GPSM3: variants seen among roughly 807,000 people sequenced by gnomAD.
The protein encoded by GPSM3 is G protein signaling modulator 3, also known as G protein-signaling modulator 3.
In GPSM3, 16 loss-of-function variants were observed where a neutral mutation model predicts 20.4. The ratio of observed to expected loss-of-function variants is 0.78; its 90% confidence interval spans 0.53 to 1.19. The LOEUF is 1.19. Ranked by LOEUF, GPSM3 falls within the 50% of genes most tolerant of loss-of-function variation. The pLI, the probability that GPSM3 is intolerant of heterozygous loss-of-function variation, is 0.00. For synonymous variants in GPSM3, 70 were observed against 79.6 expected (o/e 0.88, Z 0.64); for missense variants, 177 against 204.6 (o/e 0.86, Z 0.82).
rs1787570147 is a variant in GPSM3, at chr6:32,192,121, G to C, written c.145+27C>G. On this transcript the variant is annotated intron_variant, in intron 2 of 3. Transcript: ENST00000375040. The surrounding 1 kb of genome is among the most constrained non-coding windows in gnomAD (Gnocchi z 5.1). ...GGTCAGGATGTGGGCACTAGGGTCG[G>C]GGCTCTCCCTGGGTGGGTAGGGGTA... 6.7e-7 allele frequency: 1 copy of C among 1,490,486 alleles called. No homozygotes were observed. Among genetic ancestry groups the C allele is most frequent in the Non-Finnish European group, 9.0e-7 (1 of 1,110,950 alleles). 92.3% of individuals were successfully genotyped at this position (1,490,486 alleles called of 1,614,324 possible).
Position 32,191,071 on chromosome 6 carries a change from G to T in GPSM3, c.*295C>A. ...CAACTGGTGGTGTCCCCACAAGTTA[G>T]GGAAAAGACTCCCAGCCACTCCTTG... On this transcript the variant is annotated 3_prime_UTR_variant, in exon 4 of 4. Transcript: ENST00000375040. The surrounding 1 kb of genome is among the most constrained non-coding windows in gnomAD (Gnocchi z 5.9). 1 of 372,592 alleles carries T rather than the reference G, an allele frequency of 2.7e-6. No individual in the cohort carries two copies. The highest frequency in any genetic ancestry group is 4.8e-6 in the Non-Finnish European group (1 of 208,578). The allele number at this position is 372,592 out of a possible 1,614,324, so 23.1% of individuals were successfully genotyped here. A position where few individuals can be genotyped will look rare whatever the true frequency, so the allele number is the denominator to read the frequency against.
In GPSM3 at chr6:32,191,998, G is replaced by T; in HGVS notation, c.146-90C>A. 7.3e-7 allele frequency: 1 copy of T among 1,365,306 alleles called. No individual in the cohort carries two copies. The highest frequency in any genetic ancestry group is 1.0e-6 in the Non-Finnish European group (1 of 968,982). The allele number at this position is 1,365,306 out of a possible 1,614,324, so 84.6% of individuals were successfully genotyped here. A position where few individuals can be genotyped will look rare whatever the true frequency, so the allele number is the denominator to read the frequency against. Reference sequence around the variant, plus strand: ...GTGTGGACAGGGTGACGTGATTAGGGACTTTGGATCAGAGGAGAGGGGGTG... The same window carrying T: ...GTGTGGACAGGGTGACGTGATTAGGTACTTTGGATCAGAGGAGAGGGGGTG... On this transcript the variant is annotated intron_variant, in intron 2 of 3. Transcript: ENST00000375040. The surrounding 1 kb of genome is among the most constrained non-coding windows in gnomAD (Gnocchi z 5.9).
At position 32,191,991 on chromosome 6, in the gene GPSM3, G is replaced by A; in HGVS notation, c.146-83C>T. ...TGGGGGAGTGTGGACAGGGTGACGT[G>A]ATTAGGGACTTTGGATCAGAGGAGA... On this transcript the variant is annotated intron_variant, in intron 2 of 3. Coordinates refer to ENST00000375040, the MANE Select transcript of GPSM3 (RefSeq NM_001276501.2). This position sits in a 1 kb window ranked among gnomAD's most constrained non-coding sequence, Gnocchi z 5.9. The A allele has an allele frequency of 1.4e-6, 2 of 1,389,102 alleles. No individual in the cohort carries two copies. The highest frequency in any genetic ancestry group is 2.0e-6 in the Non-Finnish European group (2 of 988,642). The allele number at this position is 1,389,102 out of a possible 1,614,324, so 86.0% of individuals were successfully genotyped here.
chr6:32,194,832 C>T (rs768007276), upstream of GPSM3: 4 of 232,794 alleles, frequency 1.7e-5, no homozygotes, highest in Non-Finnish European at 3.4e-5. The surrounding 1 kb of genome is among the most constrained non-coding windows in gnomAD (Gnocchi z 4.5). Context: ...CCCAATTCCT[C>T]CAAAAAAAGG....
rs1471876396 is a variant in GPSM3 at position 32,190,844 on chromosome 6, G to A, written c.*522C>T. On this transcript the variant is annotated 3_prime_UTR_variant, in exon 4 of 4. Coordinates refer to ENST00000375040, the MANE Select transcript of GPSM3 (RefSeq NM_001276501.2). ...AGCAGTGGGGAGGGAGGGTGGGCAGGGCTGAAGGTCCATTCACAGCCCGTA... is the reference window on the plus strand; with the variant it reads ...AGCAGTGGGGAGGGAGGGTGGGCAGAGCTGAAGGTCCATTCACAGCCCGTA... The A allele has an allele frequency of 6.5e-6, 1 of 153,494 alleles. No homozygotes were observed. The highest frequency in any genetic ancestry group is 1.9e-4 in the East Asian group (1 of 5,214). 9.5% of individuals were successfully genotyped at this position (153,494 alleles called of 1,614,324 possible).
chr6:32,191,321 A>T lies in GPSM3; in HGVS notation c.*45T>A. The stretch of plus-strand genomic sequence containing the variant: ...GTTGAGGGCATGCAATGGGCTGCCC[A>T]GCTTTGAGACCAGTGGCAAGGAAGG... On this transcript the variant is annotated 3_prime_UTR_variant, in exon 4 of 4. Transcript: ENST00000375040. The surrounding 1 kb of genome is among the most constrained non-coding windows in gnomAD (Gnocchi z 5.9). 2 of 1,559,974 alleles carry T rather than the reference A, an allele frequency of 1.3e-6. No individual in the cohort carries two copies. Among genetic ancestry groups the T allele is most frequent in the Non-Finnish European group, 1.7e-6 (2 of 1,160,688 alleles).
In GPSM3 at chr6:32,191,670, C is replaced by A; in HGVS notation, c.345+39G>T. 1 of 1,542,456 alleles carries A rather than the reference C, an allele frequency of 6.5e-7. No homozygotes were observed. The highest frequency in any genetic ancestry group is 8.8e-7 in the Non-Finnish European group (1 of 1,133,900). ...CCCAAAGAGAACAGGGGCCAAGAGA[C>A]CAGGAGGCCTGGGTTTGCCTCCTGG... On this transcript the variant is annotated intron_variant, in intron 3 of 3. Coordinates refer to ENST00000375040, the MANE Select transcript of GPSM3 (RefSeq NM_001276501.2). This position sits in a 1 kb window ranked among gnomAD's most constrained non-coding sequence, Gnocchi z 5.9.
rs775527379 is a variant in GPSM3, at chr6:32,191,880, G to A, written c.174C>T (p.Leu58=). The A allele has an allele frequency of 4.2e-5, 68 of 1,611,406 alleles. No homozygotes were observed. Among genetic ancestry groups the A allele is most frequent in the Non-Finnish European group, 5.4e-5 (64 of 1,179,724 alleles). ...CCAGAAGGAGTTCAGTCTGCAGGGA[G>A]AGCAGGGAGGCCGAGCGGGGTCCCA... ...TALGPRSASL[L]SLQTELLLDL... The change falls in exon 3 of 4, where the codon CTC becomes CTT. Residue 58 remains leucine (L), a synonymous_variant. Coordinates refer to ENST00000375040, the MANE Select transcript of GPSM3 (RefSeq NM_001276501.2). The surrounding 1 kb of genome is among the most constrained non-coding windows in gnomAD (Gnocchi z 5.9).
chr6:32,191,373 G>GT lies in GPSM3; in HGVS notation c.475dup (p.Thr159AsnfsTer58). 1 of 1,583,946 alleles carries GT rather than the reference G, an allele frequency of 6.3e-7. No homozygotes were observed. Among genetic ancestry groups the GT allele is most frequent in the Non-Finnish European group, 8.5e-7 (1 of 1,170,004 alleles). ...CTGGTTGGGGCTCAAGTCTCAGCAG[G>GT]TGTGTGTGGGGGGCCGGGACCTTTG... On this transcript the variant is annotated frameshift_variant, in exon 4 of 4. Transcript: ENST00000375040. LOFTEE classifies it high-confidence loss of function. This position sits in a 1 kb window ranked among gnomAD's most constrained non-coding sequence, Gnocchi z 5.9.
chr6:32,194,283 G>A (rs1787716488), upstream of GPSM3: 1 of 152,190 alleles, frequency 6.6e-6, no homozygotes, highest in Non-Finnish European at 1.5e-5. This position sits in a 1 kb window ranked among gnomAD's most constrained non-coding sequence, Gnocchi z 4.5. Flanking sequence ...CAAAGTGTGT[G>A]CATCATCTAG....
chr6:32,194,332 T>C (rs1787717959), upstream of GPSM3: 1 of 152,134 alleles, frequency 6.6e-6, no homozygotes, highest in Admixed American at 6.5e-5. This position sits in a 1 kb window ranked among gnomAD's most constrained non-coding sequence, Gnocchi z 4.5. Flanking sequence ...AGGGAAGAGT[T>C]TCGTGGAAGA....
At chr6:32,195,191 T>G (rs1266141466), upstream of GPSM3, 2 of 533,140 alleles carry the variant, frequency 3.8e-6, no homozygotes, top group Non-Finnish European at 6.6e-6. This position sits in a 1 kb window ranked among gnomAD's most constrained non-coding sequence, Gnocchi z 5.4. Context: ...TCTGCCCTCC[T>G]GTGGCCTGTC....
upstream of GPSM3, chr6:32,195,306 C>T: frequency 1.2e-6 from 1 of 831,222 alleles, no homozygotes; most frequent in South Asian, 1.8e-5. This position sits in a 1 kb window ranked among gnomAD's most constrained non-coding sequence, Gnocchi z 5.4. Context: ...GGTGGGCATA[C>T]ATTCATTTTA....
chr6:32,193,085 G>C (rs1040119152), upstream of GPSM3: 1 of 153,132 alleles, frequency 6.5e-6, no homozygotes, highest in Non-Finnish European at 1.5e-5. This position sits in a 1 kb window ranked among gnomAD's most constrained non-coding sequence, Gnocchi z 4.7. Flanking sequence ...GGAGGATTCA[G>C]ATCCAGGGAT....
In GPSM3 at chr6:32,192,248, G is replaced by A. The variant is rs371951624; in HGVS notation, c.45C>T (p.Gly15=). The part of the protein sequence containing the change: ...RPQEEEDGEQ[G]PPQDEEGWPP... ...GCCAGCCTTCCTCATCCTGAGGGGGGCCCTGATGCCAAAATATGTCCATTC... is the reference window on the plus strand; with the variant it reads ...GCCAGCCTTCCTCATCCTGAGGGGGACCCTGATGCCAAAATATGTCCATTC... The change falls in exon 2 of 4, where the codon GGC becomes GGT. Residue 15 remains glycine, a splice_region_variant and synonymous_variant. Coordinates refer to ENST00000375040, the MANE Select transcript of GPSM3 (RefSeq NM_001276501.2). This position sits in a 1 kb window ranked among gnomAD's most constrained non-coding sequence, Gnocchi z 5.1. 2.9e-5 allele frequency: 44 copies of A among 1,521,686 alleles called. No homozygotes were observed. The highest frequency in any genetic ancestry group is 3.9e-5 in the Non-Finnish European group (44 of 1,134,182). The allele number at this position is 1,521,686 out of a possible 1,614,324, so 94.3% of individuals were successfully genotyped here.
Position 32,191,318 on chromosome 6 carries a change from C to A in GPSM3, c.*48G>T. On this transcript the variant is annotated 3_prime_UTR_variant, in exon 4 of 4. Transcript: ENST00000375040. The surrounding 1 kb of genome is among the most constrained non-coding windows in gnomAD (Gnocchi z 5.9). ...AGAGTTGAGGGCATGCAATGGGCTGCCCAGCTTTGAGACCAGTGGCAAGGA... is the reference window on the plus strand; with the variant it reads ...AGAGTTGAGGGCATGCAATGGGCTGACCAGCTTTGAGACCAGTGGCAAGGA... The A allele has an allele frequency of 6.4e-7, 1 of 1,558,598 alleles. No homozygotes were observed. Among genetic ancestry groups the A allele is most frequent in the Non-Finnish European group, 8.6e-7 (1 of 1,159,932 alleles).
In GPSM3 at chr6:32,191,899, G is replaced by A; in HGVS notation, c.155C>T (p.Pro52Leu). Residue 52 changes from proline (P) to leucine (L), a missense_variant, in exon 3 of 4, where the codon CCC becomes CTC. Pro to Leu is a moderately conservative substitution (Grantham distance 98). Transcript: ENST00000375040. The surrounding 1 kb of genome is among the most constrained non-coding windows in gnomAD (Gnocchi z 5.9). ...PPGTRHTALG[P>L]RSASLLSLQT... ...CAGGGAGAGCAGGGAGGCCGAGCGG[G>A]GTCCCAGGGCTGGGGAGAGGGGTGT... The A allele has an allele frequency of 1.9e-6, 3 of 1,611,200 alleles. No individual in the cohort carries two copies. Among genetic ancestry groups the A allele is most frequent in the Admixed American group, 3.3e-5 (2 of 60,008 alleles).
rs749245400 is a variant in GPSM3, at chr6:32,192,156, C to T, written c.137G>A (p.Arg46His). Reference sequence around the variant, plus strand: ...TGGGTGGGTAGGGGTACCTGTGTGGCGGGTCCCTGGAGGAGGAGGGGATGG... The same window carrying T: ...TGGGTGGGTAGGGGTACCTGTGTGGTGGGTCCCTGGAGGAGGAGGGGATGG... ...APPSPPPPGT[R>H]HTALGPRSAS... Residue 46 changes from arginine to histidine, a missense_variant, in exon 2 of 4, where the codon CGC becomes CAC. By Grantham distance (29) the Arg-to-His change is conservative. Coordinates refer to ENST00000375040, the MANE Select transcript of GPSM3 (RefSeq NM_001276501.2). This position sits in a 1 kb window ranked among gnomAD's most constrained non-coding sequence, Gnocchi z 5.1. 1.6e-5 allele frequency: 24 copies of T among 1,504,452 alleles called. No individual in the cohort carries two copies. Among genetic ancestry groups the T allele is most frequent in the East Asian group, 6.9e-5 (3 of 43,230 alleles). The allele number at this position is 1,504,452 out of a possible 1,614,324, so 93.2% of individuals were successfully genotyped here. A position where few individuals can be genotyped will look rare whatever the true frequency, so the allele number is the denominator to read the frequency against.
At position 32,192,311 on chromosome 6, in the gene GPSM3, AG is replaced by A. The variant is rs1351762463; in HGVS notation, c.43-62del. On this transcript the variant is annotated intron_variant, in intron 1 of 3. Coordinates refer to ENST00000375040, the MANE Select transcript of GPSM3 (RefSeq NM_001276501.2). This position sits in a 1 kb window ranked among gnomAD's most constrained non-coding sequence, Gnocchi z 5.1. Reference sequence around the variant, plus strand: ...GGTGGTTGAAGCGGGAGGAGTGGACAGGGGGCTAGGCCAGTGGCCCGTTTCC... The same window carrying A: ...GGTGGTTGAAGCGGGAGGAGTGGACAGGGGCTAGGCCAGTGGCCCGTTTCC... 6 of 1,408,614 alleles carry A rather than the reference AG, an allele frequency of 4.3e-6. No individual in the cohort carries two copies. In the Admixed American group the frequency reaches 6.4e-5, roughly 15 times the overall value. The allele number at this position is 1,408,614 out of a possible 1,614,324, so 87.3% of individuals were successfully genotyped here. A position where few individuals can be genotyped will look rare whatever the true frequency, so the allele number is the denominator to read the frequency against.
Sources: gnomAD v4.1 joint callset for allele counts on GRCh38, gnomAD v4.1.1 for gene constraint, Gnocchi (gnomAD v3.1) non-coding constraint, MANE v1.5 for transcripts, NCBI Gene and HGNC (gene_info 2026-07-23, HGNC 2026-07-21) for gene names.